The following PLA2G4A variants were observed in gnomAD, a reference collection of about 807,000 sequenced individuals.
PLA2G4A encodes the protein phospholipase A2 group IVA.
Under a neutral mutation model 81.9 loss-of-function variants are expected in PLA2G4A, and 40 were observed. The ratio of observed to expected loss-of-function variants is 0.49; its 90% CI spans 0.38 to 0.64. PLA2G4A has a LOEUF of 0.64. Among genes scored for constraint, PLA2G4A ranks in the 30% least tolerant of loss-of-function variants. The pLI, the probability that PLA2G4A is intolerant of heterozygous loss-of-function variation, is 0.00. For missense variants in PLA2G4A, 715 were observed against 905.1 expected (o/e 0.79, Z 2.69); for synonymous variants, 302 against 296.9 (o/e 1.02, Z -0.18).
At chr1:186,854,734 G>T (rs556216805) in intron 2 of PLA2G4A, among the ~76,000 whole-genome samples, 6 of 152,010 alleles carry the variant, frequency 3.9e-5, no homozygotes, top group African/African-American at 1.4e-4. Flanking sequence ...AAAAGTAAAA[G>T]AATTTCTGAG....
intron 3 of PLA2G4A, among the ~76,000 whole-genome samples, chr1:186,890,028 C>T (rs1425563605): frequency 6.6e-6 from 1 of 152,084 alleles, no homozygotes; most frequent in Admixed American, 6.5e-5. Flanking sequence ...TACTTTAACA[C>T]TAAAATAAAG....
chr1:186,929,264 C>A (rs1655655358), intron 7 of PLA2G4A, among the ~76,000 whole-genome samples: 1 of 152,180 alleles, frequency 6.6e-6, no homozygotes, highest in African/African-American at 2.4e-5. Flanking sequence ...AAGGTATTAT[C>A]TGCACTCCTC....
intron 15 of PLA2G4A, among the ~76,000 whole-genome samples, chr1:186,975,664 C>T (rs1209674378): frequency 6.6e-6 from 1 of 152,184 alleles, no homozygotes; most frequent in Non-Finnish European, 1.5e-5. Context: ...CCTGCTATGT[C>T]AGGGATAGTG....
chr1:186,837,258 A>G (rs1651810070), intron 1 of PLA2G4A, among the ~76,000 whole-genome samples: 2 of 152,170 alleles, frequency 1.3e-5, no homozygotes, highest in South Asian at 4.1e-4. Context: ...GAATTTACAA[A>G]TGGGATGGGA....
At chr1:186,870,861 C>A in intron 3 of PLA2G4A, 1 of 603,036 alleles carries the variant, frequency 1.7e-6, no homozygotes, top group Non-Finnish European at 2.9e-6. Context: ...TTATGTTTGT[C>A]TGGATCTTTG....
chr1:186,890,073 G>T lies in PLA2G4A; in HGVS notation c.116-2938G>T, dbSNP rs564508399. Among the ~76,000 whole-genome samples, 107 of 152,278 alleles carry T rather than the reference G, an allele frequency of 7.0e-4. 2 individuals are homozygous for T. The highest frequency in any genetic ancestry group is 3.1e-4 in the Non-Finnish European group (21 of 68,028). On this transcript the variant is annotated intron_variant, in intron 3 of 17. Coordinates refer to ENST00000367466, the MANE Select transcript of PLA2G4A (RefSeq NM_024420.3). ...TATAGCGCGATTGTGAGATTTAAAT[G>T]AGACTAATGTGTGTAAAGTACTTAA... is the stretch of plus-strand genomic sequence containing the variant.
intron 1 of PLA2G4A, among the ~76,000 whole-genome samples, chr1:186,850,863 A>G (rs553174687): frequency 6.6e-6 from 1 of 152,100 alleles, no homozygotes; most frequent in Non-Finnish European, 1.5e-5. Context: ...GGCATATTGT[A>G]GATATTTATT....
rs115417465 is a variant in PLA2G4A, at chr1:186,967,214, C to T, written c.1764+1621C>T. 1.8e-3 allele frequency among the ~76,000 whole-genome samples: 268 copies of T among 152,176 alleles called. 1 individual carries two copies. The highest frequency in any genetic ancestry group is 6.1e-3 in the African/African-American group (253 of 41,528). On this transcript the variant is annotated intron_variant, in intron 15 of 17. Transcript: ENST00000367466. ...AATAACTCTTAAATATATAGAAAAC[C>T]TTACATGTTCAAAGTGCTTTCATAC...
At chr1:186,955,885 C>T (rs1048794669) in intron 13 of PLA2G4A, among the ~76,000 whole-genome samples, 3 of 137,662 alleles carry the variant, frequency 2.2e-5, no homozygotes, top group Non-Finnish European at 3.1e-5. Flanking sequence ...AGGTGCACGC[C>T]ACCATGACCA....
intron 7 of PLA2G4A, among the ~76,000 whole-genome samples, chr1:186,917,391 T>C (rs754405420): frequency 1.1e-4 from 17 of 152,348 alleles, no homozygotes; most frequent in Non-Finnish European, 2.4e-4. Context: ...GGGAGTATCC[T>C]GTTTTCTTAG....
In PLA2G4A at chr1:186,868,380, G is replaced by C. The variant is rs151053659; in HGVS notation, c.34-2055G>C. Among the ~76,000 whole-genome samples, 711 of 152,202 alleles carry C rather than the reference G, an allele frequency of 4.7e-3. 4 individuals carry two copies. The highest frequency in any genetic ancestry group is 7.1e-3 in the Non-Finnish European group (480 of 68,002). ...GGCGTGAGCCATTGGGCCCCGCCCGGTGTCTAATTCTTTTTCTATGTTGTT... is the reference window on the plus strand; with the variant it reads ...GGCGTGAGCCATTGGGCCCCGCCCGCTGTCTAATTCTTTTTCTATGTTGTT... On this transcript the variant is annotated intron_variant, in intron 2 of 17. Coordinates refer to ENST00000367466, the MANE Select transcript of PLA2G4A (RefSeq NM_024420.3).
chr1:186,909,829 G>A (rs1654879961), intron 6 of PLA2G4A, among the ~76,000 whole-genome samples: 1 of 151,938 alleles, frequency 6.6e-6, no homozygotes, highest in Admixed American at 6.6e-5. Context: ...CCTTAAGATA[G>A]GTTTCCAGAA....
chr1:186,902,738 CA>C lies in PLA2G4A; in HGVS notation c.379-4225del, dbSNP rs574952146. 1.6e-3 allele frequency among the ~76,000 whole-genome samples: 247 copies of C among 151,924 alleles called. 2 individuals are homozygous for C. The highest frequency in any genetic ancestry group is 2.9e-3 in the Non-Finnish European group (197 of 67,962). The stretch of plus-strand genomic sequence containing the variant: ...ACCCCCGCCCCTGCCCACAAGAGAA[CA>C]ATCCTCTTTAACTGTAATTTTCTAC... On this transcript the variant is annotated intron_variant, in intron 5 of 17. Coordinates refer to ENST00000367466, the MANE Select transcript of PLA2G4A (RefSeq NM_024420.3).
chr1:186,891,507 T>G (rs1654143873), intron 3 of PLA2G4A, among the ~76,000 whole-genome samples: 1 of 151,928 alleles, frequency 6.6e-6, no homozygotes, highest in Non-Finnish European at 1.5e-5. Flanking sequence ...CCTCCATGGG[T>G]TCAACTGTTT....
intron 7 of PLA2G4A, among the ~76,000 whole-genome samples, chr1:186,923,850 C>A (rs1220211172): frequency 6.6e-6 from 1 of 152,212 alleles, no homozygotes; most frequent in African/African-American, 2.4e-5. Context: ...CAATTATTTT[C>A]TTTACTGCTA....
chr1:186,965,657 T>G, intron 15 of PLA2G4A, 64 bp downstream of exon 15: 1 of 1,152,058 alleles, frequency 8.7e-7, no homozygotes, highest in East Asian at 2.3e-5. Flanking sequence ...TATAGATCTC[T>G]TAGTCCCTTT....
chr1:186,915,761 C>T lies in PLA2G4A; in HGVS notation c.558+4372C>T, dbSNP rs972188626. Among the ~76,000 whole-genome samples, 4 of 152,160 alleles carry T rather than the reference C, an allele frequency of 2.6e-5. 1 individual carries two copies. Among genetic ancestry groups the T allele is most frequent in the African/African-American group, 9.7e-5 (4 of 41,436 alleles). ...GGAAATTTACTAAATGGATTCCTCT[C>T]TGTGTGATTTGAGCTCCACCAAGTG... is the stretch of plus-strand genomic sequence containing the variant. On this transcript the variant is annotated intron_variant, in intron 7 of 17. Coordinates refer to ENST00000367466, the MANE Select transcript of PLA2G4A (RefSeq NM_024420.3).
chr1:186,919,068 T>C (rs1655251801), intron 7 of PLA2G4A, among the ~76,000 whole-genome samples: 2 of 152,198 alleles, frequency 1.3e-5, no homozygotes, highest in African/African-American at 2.4e-5. Context: ...TTCTGACACA[T>C]AGAGTGTAAA....
chr1:186,850,488 T>C (rs1034952976), intron 1 of PLA2G4A, among the ~76,000 whole-genome samples: 11 of 145,938 alleles, frequency 7.5e-5, no homozygotes, highest in African/African-American at 2.8e-4. Flanking sequence ...TTGCTACCCC[T>C]AGATTGCCTC....
Sources: gnomAD v4.1 joint callset for allele counts (sites outside exome capture counted in the v4.1 genomes callset) on GRCh38, gnomAD v4.1.1 for gene constraint, MANE v1.5 for transcripts, NCBI Gene and HGNC (gene_info 2026-07-23, HGNC 2026-07-21) for gene names.